Variants in SLC9A9 observed in about 807,000 individuals in gnomAD.
The protein encoded by SLC9A9 is solute carrier family 9 member A9, also known as sodium/hydrogen exchanger 9.
SLC9A9 carries 62 observed loss-of-function variants against 77.8 expected under a neutral mutation model. That is an observed-to-expected ratio of 0.80 (90% CI 0.65 to 0.98). SLC9A9 has a LOEUF of 0.98. Among genes scored for constraint, SLC9A9 ranks in the 50% least tolerant of loss-of-function variants. The probability of loss-of-function intolerance (pLI) is 0.00; values close to 1 mark genes in which losing one functional copy is unlikely to be tolerated. For missense variants in SLC9A9, 775 were observed against 774.9 expected, an observed-to-expected ratio of 1.00 and a Z score of 0.00; for synonymous variants, 320 against 283.5, an observed-to-expected ratio of 1.13 and a Z score of -1.29.
At chr3:143,723,692 A>G (rs1223766644) in intron 4 of SLC9A9, among the ~76,000 whole-genome samples, 1 of 152,198 alleles carries the variant, frequency 6.6e-6, no homozygotes, top group Non-Finnish European at 1.5e-5. Flanking sequence ...CTTTTATAAT[A>G]CAAAGAACTT....
chr3:143,505,750 T>C (rs2036003596), intron 9 of SLC9A9, among the ~76,000 whole-genome samples: 1 of 152,230 alleles, frequency 6.6e-6, no homozygotes, highest in Non-Finnish European at 1.5e-5. Flanking sequence ...TGAATAGGCA[T>C]CATTAAGTAA....
chr3:143,357,222 T>C (rs1002530622), intron 14 of SLC9A9, among the ~76,000 whole-genome samples: 31 of 152,196 alleles, frequency 2.0e-4, no homozygotes, highest in Admixed American at 2.0e-3. Flanking sequence ...TGATTTTAGT[T>C]TGTGGCTCTC....
chr3:143,444,327 G>A (rs4839595), intron 12 of SLC9A9, among the ~76,000 whole-genome samples: 80,735 of 151,918 alleles, frequency 0.53, 22,070 homozygotes, highest in African/African-American at 0.67. Flanking sequence ...CTCATAGTCG[G>A]AGATGTTAAT....
intron 11 of SLC9A9, among the ~76,000 whole-genome samples, chr3:143,491,107 G>A (rs1040454302): frequency 2.6e-5 from 4 of 152,110 alleles, no homozygotes; most frequent in East Asian, 1.9e-4. Context: ...TGTAACTAAC[G>A]GTGCCAATGC....
intron 9 of SLC9A9, among the ~76,000 whole-genome samples, chr3:143,548,075 C>T (rs776643386): frequency 1.1e-4 from 17 of 152,128 alleles, no homozygotes; most frequent in Admixed American, 3.3e-4. Flanking sequence ...TACATGTTAA[C>T]GCACAGTAAA....
intron 12 of SLC9A9, among the ~76,000 whole-genome samples, chr3:143,405,672 G>T (rs757728883): frequency 1.3e-5 from 2 of 152,336 alleles, no homozygotes; most frequent in South Asian, 2.1e-4. Flanking sequence ...AGAGCTGAGG[G>T]TGGGATGGGA....
intron 14 of SLC9A9, among the ~76,000 whole-genome samples, chr3:143,300,724 A>G (rs1316541526): frequency 6.6e-6 from 1 of 152,240 alleles, no homozygotes; most frequent in Admixed American, 6.5e-5. Flanking sequence ...CTGATTTGGT[A>G]CAGGGTGAGG....
intron 4 of SLC9A9, among the ~76,000 whole-genome samples, chr3:143,694,115 T>C (rs1024035338): frequency 7.9e-5 from 12 of 152,140 alleles, no homozygotes; most frequent in Non-Finnish European, 1.6e-4. Flanking sequence ...TAAGAGTCTT[T>C]AGAAACTATA....
intron 2 of SLC9A9, among the ~76,000 whole-genome samples, chr3:143,822,633 G>A (rs2009196231): frequency 6.6e-6 from 1 of 152,194 alleles, no homozygotes; most frequent in Admixed American, 6.5e-5. Context: ...GAGAGAACAG[G>A]GAAATGCAGC....
At position 143,815,293 on chromosome 3, in the gene SLC9A9, A is replaced by G. The variant is rs573748292; in HGVS notation, c.378+16726T>C. On this transcript the variant is annotated intron_variant, in intron 2 of 15. Coordinates refer to ENST00000316549, the MANE Select transcript of SLC9A9 (RefSeq NM_173653.4). ...CTTCCATTTCTCCAGGTGTTTACCA[A>G]AGAGCCCTTGTACATGGCAGGCACT... is the stretch of plus-strand genomic sequence containing the variant. 5.9e-5 allele frequency among the ~76,000 whole-genome samples: 9 copies of G among 152,308 alleles called. No homozygotes were observed. In the South Asian group the frequency reaches 1.9e-3, roughly 32 times the overall value.
chr3:143,424,257 A>G (rs1222486468), intron 12 of SLC9A9, among the ~76,000 whole-genome samples: 3 of 143,040 alleles, frequency 2.1e-5, no homozygotes, highest in Non-Finnish European at 3.0e-5. Flanking sequence ...AAAAAAGGAC[A>G]TTATACTTGA....
At chr3:143,274,656 A>G (rs1207033425) in intron 14 of SLC9A9, among the ~76,000 whole-genome samples, 1 of 152,190 alleles carries the variant, frequency 6.6e-6, no homozygotes, top group Non-Finnish European at 1.5e-5. Flanking sequence ...AGATCTCATG[A>G]GTTCTTATGG....
intron 6 of SLC9A9, among the ~76,000 whole-genome samples, chr3:143,628,978 T>C (rs901841080): frequency 3.9e-5 from 6 of 152,198 alleles, no homozygotes; most frequent in Admixed American, 3.9e-4. Context: ...AAATCAATCA[T>C]CAGCAAAGGA....
intron 14 of SLC9A9, among the ~76,000 whole-genome samples, chr3:143,271,139 G>A (rs906783451): frequency 6.6e-6 from 1 of 152,190 alleles, no homozygotes; most frequent in Admixed American, 6.5e-5. Flanking sequence ...TGTATACAGA[G>A]TTTAGCATAT....
chr3:143,379,007 T>G (rs1413506675), intron 13 of SLC9A9, among the ~76,000 whole-genome samples: 1 of 151,318 alleles, frequency 6.6e-6, no homozygotes, highest in African/African-American at 2.4e-5. Flanking sequence ...AAAGAAGAAA[T>G]TTAAAAACAT....
At chr3:143,356,551 C>T (rs2032590957) in intron 14 of SLC9A9, among the ~76,000 whole-genome samples, 1 of 152,156 alleles carries the variant, frequency 6.6e-6, no homozygotes, top group Admixed American at 6.5e-5. Context: ...GATAGGATCT[C>T]ACTTTGTTGC....
At chr3:143,763,862 AT>A (rs764610566) in intron 4 of SLC9A9, among the ~76,000 whole-genome samples, 1 of 151,876 alleles carries the variant, frequency 6.6e-6, no homozygotes, top group Non-Finnish European at 1.5e-5. Context: ...AAGACAAATA[AT>A]TTTTTTTCTA....
At chr3:143,630,042 A>C (rs2038394691) in intron 6 of SLC9A9, among the ~76,000 whole-genome samples, 1 of 152,132 alleles carries the variant, frequency 6.6e-6, no homozygotes, top group Non-Finnish European at 1.5e-5. Flanking sequence ...TCAATGAAAA[A>C]ACAAAAACAT....
At chr3:143,581,722 A>G (rs937919911) in intron 6 of SLC9A9, among the ~76,000 whole-genome samples, 2 of 152,212 alleles carry the variant, frequency 1.3e-5, no homozygotes, top group Admixed American at 6.5e-5. Context: ...GATGCTAACT[A>G]TAAGGACAAC....
Sources: allele counts gnomAD v4.1 joint callset (sites outside exome capture counted in the v4.1 genomes callset), GRCh38; gene constraint gnomAD v4.1.1; transcripts MANE v1.5; gene names NCBI Gene and HGNC (gene_info 2026-07-23, HGNC 2026-07-21).